Variants in UTRN observed in about 807,000 individuals in gnomAD.
UTRN encodes dystrophin-related protein 1.
Under a neutral mutation model 463.9 loss-of-function variants are expected in UTRN, and 283 were observed. That is an observed-to-expected ratio of 0.61 (90% confidence interval 0.55 to 0.67). The LOEUF is 0.67. Ranked by LOEUF, UTRN falls within the 30% of genes least tolerant of loss-of-function variation. The pLI, the probability that UTRN is intolerant of heterozygous loss-of-function variation, is 0.00. For synonymous variants in UTRN, 1,442 were observed against 1,431.5 expected (o/e 1.01, Z -0.17); for missense variants, 3,922 against 4,084.3 (o/e 0.96, Z 1.08).
intron 61 of UTRN, among the ~76,000 whole-genome samples, chr6:144,787,477 A>T (rs1276097662): frequency 1.3e-5 from 2 of 152,176 alleles, no homozygotes; most frequent in Non-Finnish European, 1.5e-5. Flanking sequence ...TAAGTTTATT[A>T]GATATGATTT....
chr6:144,290,053 A>G (rs146526172), intron 1 of UTRN, among the ~76,000 whole-genome samples: 3 of 152,318 alleles, frequency 2.0e-5, no homozygotes, highest in African/African-American at 4.8e-5. Context: ...AAATATACCT[A>G]TATCAGTATA....
intron 51 of UTRN, among the ~76,000 whole-genome samples, chr6:144,639,172 T>C (rs972747456): frequency 6.6e-6 from 1 of 152,202 alleles, no homozygotes; most frequent in South Asian, 2.1e-4. Context: ...ATGACCTTAC[T>C]GCTTACCTCT....
At chr6:144,824,608 A>ATCTC (rs1779969835) in intron 66 of UTRN, among the ~76,000 whole-genome samples, 3 of 44,536 alleles carry the variant, frequency 6.7e-5, no homozygotes, top group African/African-American at 4.3e-4. Context: ...ATATATATAT[A>ATCTC]TATATCTTTT....
intron 52 of UTRN, among the ~76,000 whole-genome samples, chr6:144,682,278 C>T (rs1782282241): frequency 6.6e-6 from 1 of 152,146 alleles, no homozygotes; most frequent in African/African-American, 2.4e-5. Flanking sequence ...TGGTTTATTT[C>T]ACTTAACATA....
intron 2 of UTRN, 44 bp from the exon 3 acceptor site, chr6:144,403,079 A>G (rs1203040075): frequency 1.3e-6 from 2 of 1,557,046 alleles, no homozygotes; most frequent in African/African-American, 2.7e-5. Context: ...CTAAAGGTAC[A>G]GACTCTCATA....
intron 51 of UTRN, among the ~76,000 whole-genome samples, chr6:144,624,288 G>C (rs1231837689): frequency 6.6e-6 from 1 of 152,160 alleles, no homozygotes; most frequent in African/African-American, 2.4e-5. Context: ...AGGTTTTTGA[G>C]CAAGGGAGGG....
chr6:144,536,866 GTTATTC>G (rs1250005264), intron 43 of UTRN, among the ~76,000 whole-genome samples: 1 of 151,902 alleles, frequency 6.6e-6, no homozygotes, highest in Admixed American at 6.6e-5. Context: ...TCTTATAAAT[GTTATTC>G]TTATAACACT....
intron 73 of UTRN, among the ~76,000 whole-genome samples, chr6:144,844,249 A>G (rs1781832969): frequency 1.3e-5 from 2 of 151,754 alleles, no homozygotes; most frequent in Admixed American, 1.3e-4. Flanking sequence ...CTCAGTGCCC[A>G]GTGCATGTGT....
chr6:144,715,886 T>C (rs1261887236), intron 53 of UTRN, among the ~76,000 whole-genome samples: 2 of 152,102 alleles, frequency 1.3e-5, no homozygotes, highest in African/African-American at 2.4e-5. Flanking sequence ...TGTCTCTTTA[T>C]TTCTCAGTAA....
intron 66 of UTRN, among the ~76,000 whole-genome samples, chr6:144,827,070 T>C (rs920701447): frequency 6.6e-6 from 1 of 152,190 alleles, no homozygotes; most frequent in Non-Finnish European, 1.5e-5. Flanking sequence ...ATTCTGGTTT[T>C]TTCCCCAGTA....
At chr6:144,372,129 G>C (rs1255085430) in intron 2 of UTRN, among the ~76,000 whole-genome samples, 1 of 152,252 alleles carries the variant, frequency 6.6e-6, no homozygotes, top group Non-Finnish European at 1.5e-5. Context: ...TGGTATTTCT[G>C]TGCAAAGCAC....
chr6:144,846,893 C>T (rs368209565), intron 74 of UTRN, 66 bp downstream of exon 74: 25 of 1,585,214 alleles, frequency 1.6e-5, no homozygotes, highest in Admixed American at 5.1e-5. Flanking sequence ...AGATTATCCA[C>T]GACTGATTTT....
chr6:144,652,470 C>T (rs1271146764), intron 51 of UTRN, among the ~76,000 whole-genome samples: 5 of 152,166 alleles, frequency 3.3e-5, no homozygotes, highest in African/African-American at 4.8e-5. Context: ...TAGACTCTGG[C>T]GCTTTCACTC....
At chr6:144,628,550 A>G (rs1276348092) in intron 51 of UTRN, among the ~76,000 whole-genome samples, 6 of 152,026 alleles carry the variant, frequency 3.9e-5, no homozygotes, top group Non-Finnish European at 8.8e-5. Flanking sequence ...AACTTCCAAC[A>G]TTTTCAGCTT....
At chr6:144,509,610 C>A (rs62427175) in intron 34 of UTRN, among the ~76,000 whole-genome samples, 3 of 152,040 alleles carry the variant, frequency 2.0e-5, no homozygotes, top group Non-Finnish European at 4.4e-5. Context: ...ATATTAATAA[C>A]CACCATCTTT....
At chr6:144,349,679 G>A (rs963225826) in intron 2 of UTRN, among the ~76,000 whole-genome samples, 6 of 152,144 alleles carry the variant, frequency 3.9e-5, no homozygotes, top group African/African-American at 9.7e-5. Context: ...ACTCCATCAT[G>A]TTTTTGATAT....
intron 53 of UTRN, chr6:144,708,197 G>T (rs2128702211): frequency 3.5e-6 from 2 of 566,518 alleles, no homozygotes; most frequent in Non-Finnish European, 6.7e-6. Flanking sequence ...AGTTATTTTT[G>T]AATTGCTTGA....
At chr6:144,811,914 G>T (rs1010645482) in intron 65 of UTRN, among the ~76,000 whole-genome samples, 43 of 152,120 alleles carry the variant, frequency 2.8e-4, no homozygotes, top group Non-Finnish European at 5.4e-4. Flanking sequence ...TGATCCAAAT[G>T]ATAATGTTTA....
At chr6:144,833,490 GTTA>G (rs796383996) in intron 69 of UTRN, among the ~76,000 whole-genome samples, 16 of 152,132 alleles carry the variant, frequency 1.1e-4, no homozygotes, top group African/African-American at 2.9e-4. Flanking sequence ...TGCTTCTTTT[GTTA>G]TTATTATTTT....
Sources: gnomAD v4.1 joint callset for allele counts (sites outside exome capture counted in the v4.1 genomes callset) on GRCh38, gnomAD v4.1.1 for gene constraint, MANE v1.5 for transcripts, NCBI Gene and HGNC (gene_info 2026-07-23, HGNC 2026-07-21) for gene names.